The following HAPLN4 variants were observed in gnomAD, a reference collection of about 807,000 sequenced individuals.
HAPLN4 encodes brain link protein 2.
In HAPLN4, 19 loss-of-function variants were observed where a neutral mutation model predicts 28.0. That is an observed-to-expected ratio of 0.68 (90% CI 0.47 to 1.00). The LOEUF is 1.00. Among genes scored for constraint, HAPLN4 ranks in the 50% least tolerant of loss-of-function variants. The pLI, the probability that HAPLN4 is intolerant of heterozygous loss-of-function variation, is 0.00. For synonymous variants in HAPLN4, 274 were observed against 273.0 expected (o/e 1.00, Z -0.03); for missense variants, 587 against 602.6 (o/e 0.97, Z 0.27).
Position 19,258,120 on chromosome 19 carries a change from C to T in HAPLN4, c.906G>A (p.Lys302=), listed in dbSNP as rs921680253. ...ACAARGAAVA[K]VGQLFAAWKL... is the part of the protein sequence containing the mutation. ...TCCACGCGGCGAACAGCTGCCCCAC[C>T]TTGGCCACGGCCGCGCCACGCGCAG... is the stretch of plus-strand genomic sequence containing the variant. The change falls in exon 5 of 5, where the codon AAG becomes AAA. Residue 302 remains lysine, a synonymous_variant. Transcript: ENST00000291481. This position sits in a 1 kb window ranked among gnomAD's most constrained non-coding sequence, Gnocchi z 6.2. 6 of 1,550,806 alleles carry T rather than the reference C, an allele frequency of 3.9e-6. No homozygotes were observed. In the African/African-American group the frequency reaches 6.8e-5, roughly 18 times the overall value.
rs2060969231 is a variant in HAPLN4, at chr19:19,257,546, C to T, written c.*271G>A. ...CGGGTTCTGCTGGCCTCCTGAGGTCCTCAGGGGGCGTGACCCTCATGGAGA... is the reference window on the plus strand; with the variant it reads ...CGGGTTCTGCTGGCCTCCTGAGGTCTTCAGGGGGCGTGACCCTCATGGAGA... On this transcript the variant is annotated 3_prime_UTR_variant, in exon 5 of 5. Transcript: ENST00000291481. The T allele has an allele frequency of 8.3e-6, 3 of 361,092 alleles. No individual in the cohort carries two copies. Among genetic ancestry groups the T allele is most frequent in the African/African-American group, 2.1e-5 (1 of 47,226 alleles). The allele number at this position is 361,092 out of a possible 1,614,324, so 22.4% of individuals were successfully genotyped here. A position where few individuals can be genotyped will look rare whatever the true frequency, so the allele number is the denominator to read the frequency against.
Position 19,258,238 on chromosome 19 carries a change from T to C in HAPLN4, c.818-30A>G, listed in dbSNP as rs777905111. ...GGGGGTGAGGTGGGGGGTGGGTTAT[T>C]AGTGCGGCTCCTGGGACCCTGCTTC... On this transcript the variant is annotated intron_variant, in intron 4 of 4. Transcript: ENST00000291481. This position sits in a 1 kb window ranked among gnomAD's most constrained non-coding sequence, Gnocchi z 6.2. The C allele has an allele frequency of 7.5e-6, 11 of 1,457,498 alleles. No homozygotes were observed. The Admixed American group carries it at 2.7e-4, about 35-fold the overall frequency. The allele number at this position is 1,457,498 out of a possible 1,614,324, so 90.3% of individuals were successfully genotyped here. A position where few individuals can be genotyped will look rare whatever the true frequency, so the allele number is the denominator to read the frequency against.
rs754756959 is a variant in HAPLN4, at chr19:19,258,720, T to C, written c.620A>G (p.Asp207Gly). 5 of 1,604,292 alleles carry C rather than the reference T, an allele frequency of 3.1e-6. No individual in the cohort carries two copies. In the Admixed American group the frequency reaches 8.5e-5, roughly 27 times the overall value. Residue 207 changes from aspartate to glycine, a missense_variant, in exon 4 of 5, where the codon GAC becomes GGC. Transcript: ENST00000291481. This position sits in a 1 kb window ranked among gnomAD's most constrained non-coding sequence, Gnocchi z 6.2. Reference protein sequence around the residue: ...QLHAAWRDGLDWCNAGWLRDG... With the variant: ...QLHAAWRDGLGWCNAGWLRDG... ...GCGCAACCAGCCCGCGTTGCACCAG[T>C]CCAGGCCGTCGCGCCAGGCCGCGTG...
At chr19:19,260,568 C>T (rs1734225571) in intron 3 of HAPLN4, among the ~76,000 whole-genome samples, 1 of 152,172 alleles carries the variant, frequency 6.6e-6, no homozygotes, top group Non-Finnish European at 1.5e-5. Context: ...TGTATAGCTG[C>T]ATCCCTGGCC....
At position 19,255,180 on chromosome 19, in the gene HAPLN4, G is replaced by A. The variant is rs2060961831; in HGVS notation, c.*2637C>T. 6.6e-6 allele frequency: 1 copy of A among 152,218 alleles called. No homozygotes were observed. The highest frequency in any genetic ancestry group is 1.5e-5 in the Non-Finnish European group (1 of 68,080). The allele number at this position is 152,218 out of a possible 1,614,324, so 9.4% of individuals were successfully genotyped here. ...TAAAGGGAGACAGTGGGCACAGGAT[G>A]GGGGAAGAAAGAGGAGCAAGAGATT... On this transcript the variant is annotated 3_prime_UTR_variant, in exon 5 of 5. Transcript: ENST00000291481.
At position 19,262,739 on chromosome 19, in the gene HAPLN4, C is replaced by T. The variant is rs759782265; in HGVS notation, c.-7G>A. The T allele has an allele frequency of 5.6e-6, 9 of 1,608,998 alleles. No individual in the cohort carries two copies. Among genetic ancestry groups the T allele is most frequent in the South Asian group, 5.5e-5 (5 of 90,750 alleles). On this transcript the variant is annotated 5_prime_UTR_variant, in exon 1 of 5. Coordinates refer to ENST00000291481, the MANE Select transcript of HAPLN4 (RefSeq NM_023002.3). The stretch of plus-strand genomic sequence containing the variant: ...CCGCAGCCCCACTTACCATCTTGCC[C>T]GCGCGGCCCCCGCCGAGCGGCCCCT...
intron 3 of HAPLN4, 59 bp downstream of exon 3, chr19:19,260,754 C>T (rs556560968): frequency 6.4e-7 from 1 of 1,561,450 alleles, no homozygotes. Context: ...ATGTCCCTTG[C>T]CATCCCCGCC....
At position 19,260,910 on chromosome 19, in the gene HAPLN4, G is replaced by A. The variant is rs767047138; in HGVS notation, c.387C>T (p.Val129=). Residue 129 remains valine, a synonymous_variant, in exon 3 of 5, where the codon GTC becomes GTT. Coordinates refer to ENST00000291481, the MANE Select transcript of HAPLN4 (RefSeq NM_023002.3). The part of the protein sequence containing the change: ...QGDGPGDASL[V]LRNVTLQDYG... ...AGTCTTGCAGCGTGACGTTGCGGAGGACCAGGGAGGCATCCCCAGGCCCGT... is the reference window on the plus strand; with the variant it reads ...AGTCTTGCAGCGTGACGTTGCGGAGAACCAGGGAGGCATCCCCAGGCCCGT... The A allele has an allele frequency of 6.2e-6, 10 of 1,613,938 alleles. No individual in the cohort carries two copies. The South Asian group carries it at 8.8e-5, about 14-fold the overall frequency.
At chr19:19,261,282 G>T (rs1162503532) in intron 2 of HAPLN4, 107 bp from the exon 3 acceptor site, 10 of 1,328,352 alleles carry the variant, frequency 7.5e-6, no homozygotes, top group Non-Finnish European at 1.0e-5. Context: ...GGTGGGGGTC[G>T]GGGAATCAGA....
Position 19,258,068 on chromosome 19 carries a change from C to T in HAPLN4, c.958G>A (p.Ala320Thr), listed in dbSNP as rs1165380281. 1.3e-6 allele frequency: 2 copies of T among 1,552,850 alleles called. No individual in the cohort carries two copies. Among genetic ancestry groups the T allele is most frequent in the Non-Finnish European group, 1.7e-6 (2 of 1,156,080 alleles). Residue 320 changes from alanine to threonine, a missense_variant, in exon 5 of 5, where the codon GCG becomes ACG. Ala to Thr is a moderately conservative substitution (Grantham distance 58, BLOSUM62 0). Coordinates refer to ENST00000291481, the MANE Select transcript of HAPLN4 (RefSeq NM_023002.3). This position sits in a 1 kb window ranked among gnomAD's most constrained non-coding sequence, Gnocchi z 6.2. ...GCACTGCCATCGGCCAGCCAACCCG[C>T]GGTGCAGCGGTCTAGCAGCTGCAGC... ...WKLQLLDRCT[A>T]GWLADGSARY...
chr19:19,255,297 C>G lies in HAPLN4; in HGVS notation c.*2520G>C, dbSNP rs2060962266. 1 of 152,276 alleles carries G rather than the reference C, an allele frequency of 6.6e-6. No homozygotes were observed. The highest frequency in any genetic ancestry group is 1.5e-5 in the Non-Finnish European group (1 of 68,104). 9.4% of individuals were successfully genotyped at this position (152,276 alleles called of 1,614,324 possible). A position where few individuals can be genotyped will look rare whatever the true frequency, so the allele number is the denominator to read the frequency against. ...CAGTGGCTCACACCTGTAACCCCAA[C>G]ACTTTGGGAGGCCGAGGTGGGTAGA... On this transcript the variant is annotated 3_prime_UTR_variant, in exon 5 of 5. Transcript: ENST00000291481.
Position 19,257,856 on chromosome 19 carries a change from GC to G in HAPLN4, c.1169del (p.Gly390AlafsTer116). On this transcript the variant is annotated frameshift_variant, in exon 5 of 5. Transcript: ENST00000291481. LOFTEE classifies it high-confidence loss of function. ...GGGTCCAGGCAGCAGGATCGCGCGC[GC>G]CCCCTGCCCAGCCGCCGCCGCCCGC... Reference protein sequence around the residue: ...GWAGGGGWAGGARDPAAWTPL... With the variant: ...GWAGGGGWAGXARDPAAWTPL... 7.0e-7 allele frequency: 1 copy of G among 1,422,192 alleles called. No homozygotes were observed. The highest frequency in any genetic ancestry group is 9.1e-7 in the Non-Finnish European group (1 of 1,100,234). 88.1% of individuals were successfully genotyped at this position (1,422,192 alleles called of 1,614,324 possible).
At position 19,258,729 on chromosome 19, in the gene HAPLN4, T is replaced by TCGCGCCAGGCCGC. The variant is rs2060974630; in HGVS notation, c.598_610dup (p.Asp204GlyfsTer45). ...GCCCGCGTTGCACCAGTCCAGGCCG[T>TCGCGCCAGGCCGC]CGCGCCAGGCCGCGTGCAGCTGTTC... On this transcript the variant is annotated frameshift_variant, in exon 4 of 5. Transcript: ENST00000291481. LOFTEE classifies it high-confidence loss of function. The surrounding 1 kb of genome is among the most constrained non-coding windows in gnomAD (Gnocchi z 6.2). 1 of 1,603,968 alleles carries TCGCGCCAGGCCGC rather than the reference T, an allele frequency of 6.2e-7. No individual in the cohort carries two copies. Among genetic ancestry groups the TCGCGCCAGGCCGC allele is most frequent in the East Asian group, 2.2e-5 (1 of 44,548 alleles).
chr19:19,255,761 A>T lies in HAPLN4; in HGVS notation c.*2056T>A, dbSNP rs1243844019. ...AACACAGGTTCAGAAGGAGTTTGTC[A>T]CTTGGTCACACAGTGAGCAAGAAGA... On this transcript the variant is annotated 3_prime_UTR_variant, in exon 5 of 5. Coordinates refer to ENST00000291481, the MANE Select transcript of HAPLN4 (RefSeq NM_023002.3). The T allele has an allele frequency of 6.6e-6, 1 of 152,262 alleles. No homozygotes were observed. The highest frequency in any genetic ancestry group is 2.4e-5 in the African/African-American group (1 of 41,460). 9.4% of individuals were successfully genotyped at this position (152,262 alleles called of 1,614,324 possible). A position where few individuals can be genotyped will look rare whatever the true frequency, so the allele number is the denominator to read the frequency against.
At position 19,258,509 on chromosome 19, in the gene HAPLN4, T is replaced by A. The variant is rs762575269; in HGVS notation, c.817+14A>T. The A allele has an allele frequency of 1.4e-5, 23 of 1,610,236 alleles. No individual in the cohort carries two copies. The highest frequency in any genetic ancestry group is 1.8e-5 in the Non-Finnish European group (21 of 1,178,234). Reference sequence around the variant, plus strand: ...GTTGCAGCAGAGGCCAGTCTTGGGGTGAGGCCTACGCACCCGGCAGGTTGG... The same window carrying A: ...GTTGCAGCAGAGGCCAGTCTTGGGGAGAGGCCTACGCACCCGGCAGGTTGG... On this transcript the variant is annotated intron_variant, in intron 4 of 4. Transcript: ENST00000291481. The surrounding 1 kb of genome is among the most constrained non-coding windows in gnomAD (Gnocchi z 6.2).
chr19:19,262,325 G>A (rs1263178200), intron 1 of HAPLN4, among the ~76,000 whole-genome samples: 2 of 150,848 alleles, frequency 1.3e-5, no homozygotes, highest in Admixed American at 1.3e-4. Flanking sequence ...CAGATGGAGA[G>A]GGAGAGACAG....
rs997252768 is a variant in HAPLN4, at chr19:19,258,772, C to A, written c.568G>T (p.Gly190Cys). The A allele has an allele frequency of 3.1e-6, 5 of 1,603,544 alleles. No individual in the cohort carries two copies. The highest frequency in any genetic ancestry group is 4.3e-6 in the Non-Finnish European group (5 of 1,176,452). ...EAQRACAEQD[G>C]ILASAEQLHA... is the part of the protein sequence containing the mutation. Reference sequence around the variant, plus strand: ...AGCTGTTCTGCAGATGCCAGGATGCCGTCCTGCTCGGCGCACGCGCGCTGC... The same window carrying A: ...AGCTGTTCTGCAGATGCCAGGATGCAGTCCTGCTCGGCGCACGCGCGCTGC... The change falls in exon 4 of 5, where the codon GGC (glycine) becomes TGC (cysteine). Residue 190 changes from glycine to cysteine, a missense_variant. Transcript: ENST00000291481. This position sits in a 1 kb window ranked among gnomAD's most constrained non-coding sequence, Gnocchi z 6.2.
Position 19,258,225 on chromosome 19 carries a change from G to C in HAPLN4, c.818-17C>G. 2 of 1,466,682 alleles carry C rather than the reference G, an allele frequency of 1.4e-6. No individual in the cohort carries two copies. Among genetic ancestry groups the C allele is most frequent in the Non-Finnish European group, 1.8e-6 (2 of 1,110,386 alleles). 90.9% of individuals were successfully genotyped at this position (1,466,682 alleles called of 1,614,324 possible). On this transcript the variant is annotated splice_polypyrimidine_tract_variant and intron_variant, in intron 4 of 4. Coordinates refer to ENST00000291481, the MANE Select transcript of HAPLN4 (RefSeq NM_023002.3). This position sits in a 1 kb window ranked among gnomAD's most constrained non-coding sequence, Gnocchi z 6.2. ...ACACGCGCCCTGCGGGGGTGAGGTGGGGGGTGGGTTATTAGTGCGGCTCCT... is the reference window on the plus strand; with the variant it reads ...ACACGCGCCCTGCGGGGGTGAGGTGCGGGGTGGGTTATTAGTGCGGCTCCT...
Position 19,257,853 on chromosome 19 carries a change from C to A in HAPLN4, c.1173G>T (p.Ala391=). 7.0e-7 allele frequency: 1 copy of A among 1,422,072 alleles called. No homozygotes were observed. Among genetic ancestry groups the A allele is most frequent in the Non-Finnish European group, 9.1e-7 (1 of 1,100,328 alleles). The allele number at this position is 1,422,072 out of a possible 1,614,324, so 88.1% of individuals were successfully genotyped here. Residue 391 remains alanine (A), a synonymous_variant, in exon 5 of 5, where the codon GCG becomes GCT. Transcript: ENST00000291481. ...GAGGGGTCCAGGCAGCAGGATCGCG[C>A]GCGCCCCCTGCCCAGCCGCCGCCGC... ...WAGGGGWAGG[A]RDPAAWTPLH... is the part of the protein sequence containing the mutation.
Sources: allele counts gnomAD v4.1 joint callset (sites outside exome capture counted in the v4.1 genomes callset), GRCh38; gene constraint gnomAD v4.1.1; non-coding constraint Gnocchi (gnomAD v3.1); transcripts MANE v1.5; gene names NCBI Gene and HGNC (gene_info 2026-07-23, HGNC 2026-07-21).